Variants in NEBL observed in about 807,000 individuals in gnomAD.
NEBL encodes nebulette, also known as LIM and SH3 protein 2.
A neutral mutation model predicts 140.2 loss-of-function variants in NEBL; 122 were observed. That is an observed-to-expected ratio of 0.87 (90% confidence interval 0.75 to 1.01). The LOEUF (loss-of-function observed/expected upper bound fraction) is 1.01. NEBL is among the 50% of genes least tolerant of loss of function. NEBL has a pLI of 0.00. For missense variants in NEBL, 1,365 were observed against 1,231.3 expected (o/e 1.11, Z -1.62); for synonymous variants, 436 against 398.9 (o/e 1.09, Z -1.11).
chr10:20,944,687 T>C (rs1236285936), intron 4 of NEBL, among the ~76,000 whole-genome samples: 2 of 152,240 alleles, frequency 1.3e-5, no homozygotes, highest in African/African-American at 4.8e-5. Context: ...AGCACACCAT[T>C]GCCCAATTTA....
chr10:21,281,107 A>G (rs1439108808), intron 1 of NEBL, among the ~76,000 whole-genome samples: 2 of 152,216 alleles, frequency 1.3e-5, no homozygotes, highest in Admixed American at 6.5e-5. Context: ...ATGCTCTTCC[A>G]AAGGAAAGAC....
intron 4 of NEBL, among the ~76,000 whole-genome samples, chr10:20,940,932 A>T (rs989412556): frequency 4.6e-5 from 7 of 152,214 alleles, no homozygotes; most frequent in East Asian, 3.8e-4. Flanking sequence ...TCTGAAATTG[A>T]GGCAATAATT....
rs532432053 is a variant in NEBL, at chr10:21,073,577, A to G, written c.165-53376T>C. Among the ~76,000 whole-genome samples the G allele has an allele frequency of 9.9e-4, 148 of 149,202 alleles. 1 individual carries two copies. The highest frequency in any genetic ancestry group is 3.6e-3 in the African/African-American group (146 of 40,284). ...GGTTGCAGTGAGCCTAGAATGCACC[A>G]GTACACTCTAGCCTGGGTGACAGAG... On this transcript the variant is annotated intron_variant, in intron 2 of 6. Coordinates refer to the NEBL transcript ENST00000417816.
At chr10:21,243,137 C>T (rs1842462266) in intron 3 of NEBL, among the ~76,000 whole-genome samples, 1 of 152,130 alleles carries the variant, frequency 6.6e-6, no homozygotes, top group African/African-American at 2.4e-5. Flanking sequence ...CCTGTTGCCA[C>T]TGCTCCTGTT....
At chr10:20,869,971 TTTTGTGCATCTA>T (rs1196295209) in intron 5 of NEBL, 130 bp from the exon 6 acceptor site, 2 of 700,776 alleles carry the variant, frequency 2.9e-6, no homozygotes, top group African/African-American at 3.6e-5. Context: ...TAAGTTGGCT[TTTTGTGCATCTA>T]TTTGTATAGC....
intron 2 of NEBL, among the ~76,000 whole-genome samples, chr10:21,091,102 C>A (rs1400863702): frequency 2.6e-5 from 4 of 152,194 alleles, no homozygotes; most frequent in Non-Finnish European, 5.9e-5. Context: ...TATTTCCTTC[C>A]CTACCACTGT....
intron 2 of NEBL, among the ~76,000 whole-genome samples, chr10:21,031,401 C>A (rs1231968363): frequency 6.6e-6 from 1 of 152,160 alleles, no homozygotes; most frequent in African/African-American, 2.4e-5. Context: ...CAGAGGACCG[C>A]AGGACAAAAA....
At chr10:20,923,761 T>C (rs1258156316) in intron 4 of NEBL, among the ~76,000 whole-genome samples, 3 of 149,830 alleles carry the variant, frequency 2.0e-5, no homozygotes, top group African/African-American at 7.4e-5. Context: ...GTTGAAGCTG[T>C]CAAGCCTGCA....
chr10:20,886,179 T>G (rs1428169314), intron 4 of NEBL, among the ~76,000 whole-genome samples: 4 of 151,830 alleles, frequency 2.6e-5, no homozygotes, highest in Admixed American at 6.5e-5. Context: ...CCCCAGAACT[T>G]AAAAAAAATT....
At position 20,840,830 on chromosome 10, in the gene NEBL, A is replaced by G; in HGVS notation, c.1247T>C (p.Leu416Ser). The G allele has an allele frequency of 6.3e-7, 1 of 1,590,640 alleles. No individual in the cohort carries two copies. Among genetic ancestry groups the G allele is most frequent in the Non-Finnish European group, 8.6e-7 (1 of 1,160,464 alleles). The change falls in exon 13 of 28, where the codon TTG (leucine) becomes TCG (serine). Residue 416 changes from leucine (L) to serine (S), a missense_variant. Physicochemically the swap from Leu to Ser is moderately radical, Grantham distance 145. Around this residue, in one of 2 missense-constraint regions of NEBL, gnomAD observed 1,323 missense variants for 1,154.8 expected, o/e 1.15. Coordinates refer to ENST00000377122, the MANE Select transcript of NEBL (RefSeq NM_006393.3). ...LLREKEYKKD[L>S]ENEIKGKGME... The stretch of plus-strand genomic sequence containing the variant: ...TCCTTTCCCTTTTATCTCATTTTCC[A>G]AATCTTTTTTATATTCTTTCTATGA...
chr10:20,909,709 TCAA>T (rs1848250566), intron 4 of NEBL, among the ~76,000 whole-genome samples: 1 of 152,070 alleles, frequency 6.6e-6, no homozygotes, highest in Admixed American at 6.6e-5. Context: ...ACAGAATAAC[TCAA>T]CAATTCTCTC....
chr10:21,176,138 G>A (rs372289750), upstream of NEBL, among the ~76,000 whole-genome samples: 5 of 151,998 alleles, frequency 3.3e-5, no homozygotes, highest in Admixed American at 2.0e-4. Flanking sequence ...GAGTACCTGC[G>A]ACCACAGGCA....
At chr10:21,177,634 A>G (rs1227606657), upstream of NEBL, among the ~76,000 whole-genome samples, 1 of 151,222 alleles carries the variant, frequency 6.6e-6, no homozygotes, top group Admixed American at 6.6e-5. Context: ...GGTTCACTCC[A>G]TTCTCCTGCC....
chr10:21,250,453 C>G (rs541779698), intron 2 of NEBL, among the ~76,000 whole-genome samples: 2 of 152,218 alleles, frequency 1.3e-5, no homozygotes, highest in South Asian at 4.1e-4. Context: ...TATTGTGGGA[C>G]CTTGTGATTG....
At chr10:21,237,964 C>G (rs191227251) in intron 3 of NEBL, among the ~76,000 whole-genome samples, 20 of 152,264 alleles carry the variant, frequency 1.3e-4, no homozygotes, top group Admixed American at 9.8e-4. Context: ...TGCCTTAGAC[C>G]CCTCAGTGAT....
chr10:21,198,725 C>A (rs1457198468), intron 3 of NEBL, among the ~76,000 whole-genome samples: 1 of 152,146 alleles, frequency 6.6e-6, no homozygotes, highest in Admixed American at 6.5e-5. Context: ...GCACCAGCCA[C>A]TAGTGCCAGC....
rs969606564 is a variant in NEBL at position 20,792,295 on chromosome 10, A to G, written c.2762-4987T>C. On this transcript the variant is annotated intron_variant, in intron 26 of 27. Transcript: ENST00000377122. Reference sequence around the variant, plus strand: ...TCAGAAATTTCCCAATAAAGAGTCTAGGACACAATGCAATTATTGTCATAT... The same window carrying G: ...TCAGAAATTTCCCAATAAAGAGTCTGGGACACAATGCAATTATTGTCATAT... Among the ~76,000 whole-genome samples, 10 of 152,186 alleles carry G rather than the reference A, an allele frequency of 6.6e-5. No homozygotes were observed. In the East Asian group the frequency reaches 1.9e-3, roughly 29 times the overall value.
chr10:20,954,668 C>T (rs1263127795), intron 4 of NEBL, among the ~76,000 whole-genome samples: 1 of 152,154 alleles, frequency 6.6e-6, no homozygotes, highest in Non-Finnish European at 1.5e-5. Flanking sequence ...CCTCATAGTT[C>T]GAATTCCAGG....
chr10:21,126,966 C>G (rs1489759696), intron 2 of NEBL, among the ~76,000 whole-genome samples: 5 of 133,346 alleles, frequency 3.7e-5, no homozygotes, highest in African/African-American at 1.6e-4. Flanking sequence ...CAGAGGGAGA[C>G]CCTGTATCAA....
Sources: gnomAD v4.1 joint callset for allele counts (sites outside exome capture counted in the v4.1 genomes callset) on GRCh38, gnomAD v4.1.1 for gene constraint, gnomAD v4.1.1 regional missense constraint, MANE v1.5 for transcripts, NCBI Gene and HGNC (gene_info 2026-07-23, HGNC 2026-07-21) for gene names.